The following NUP214 variants were observed in gnomAD, a reference collection of about 807,000 sequenced individuals.
NUP214 encodes the protein nuclear pore complex protein Nup214.
In NUP214, 79 loss-of-function variants were observed where a neutral mutation model predicts 196.2. The ratio of observed to expected loss-of-function variants is 0.40; its 90% CI spans 0.34 to 0.49. The LOEUF (loss-of-function observed/expected upper bound fraction) is 0.49. NUP214 is among the 20% of genes least tolerant of loss of function. The probability of loss-of-function intolerance (pLI) is 0.58; values close to 1 mark genes in which losing one functional copy is unlikely to be tolerated. For missense variants in NUP214, 2,468 were observed against 2,539.0 expected (o/e 0.97, Z 0.60); for synonymous variants, 1,020 against 990.5 (o/e 1.03, Z -0.56).
At chr9:131,214,849 T>C (rs531662724) in intron 30 of NUP214, among the ~76,000 whole-genome samples, 8 of 152,346 alleles carry the variant, frequency 5.3e-5, no homozygotes, top group African/African-American at 1.9e-4. Flanking sequence ...GTGTCCGTAA[T>C]AGCTTGTAAA....
At chr9:131,127,342 C>T (rs997137381) in intron 1 of NUP214, among the ~76,000 whole-genome samples, 182 bp from the exon 2 acceptor site, 3 of 152,134 alleles carry the variant, frequency 2.0e-5, no homozygotes, top group Admixed American at 2.0e-4. Context: ...AAGATCGCTG[C>T]ACTGCACTCC....
chr9:131,144,779 C>A lies in NUP214; in HGVS notation c.1769+25C>A, dbSNP rs909231762. On this transcript the variant is annotated intron_variant, in intron 12 of 35. Transcript: ENST00000359428. ...AGTAAGTCACTTCTAAAGTTTGATT[C>A]TTCTGTGAGTTGGGTAGAAATATTG... The A allele has an allele frequency of 5.4e-6, 8 of 1,495,264 alleles. No homozygotes were observed. In the Middle Eastern group the frequency reaches 7.0e-4, roughly 132 times the overall value. 92.6% of individuals were successfully genotyped at this position (1,495,264 alleles called of 1,614,324 possible).
Position 131,146,117 on chromosome 9 carries a change from G to A in NUP214, c.1770-12G>A, listed in dbSNP as rs746236537. 6 of 1,613,754 alleles carry A rather than the reference G, an allele frequency of 3.7e-6. No individual in the cohort carries two copies. The East Asian group carries it at 6.7e-5, about 18-fold the overall frequency. On this transcript the variant is annotated splice_polypyrimidine_tract_variant and intron_variant, in intron 12 of 35. Transcript: ENST00000359428. This position sits in a 1 kb window ranked among gnomAD's most constrained non-coding sequence, Gnocchi z 4.6. ...CAGGCTCTTCTGAGGCCTTCAGGCTGCCATTTTTCAGGTTTACTGCTGCAG... is the reference window on the plus strand; with the variant it reads ...CAGGCTCTTCTGAGGCCTTCAGGCTACCATTTTTCAGGTTTACTGCTGCAG...
intron 31 of NUP214, among the ~76,000 whole-genome samples, chr9:131,221,662 C>T (rs945060286): frequency 1.2e-4 from 18 of 152,166 alleles, no homozygotes; most frequent in African/African-American, 3.9e-4. Context: ...AGAGACTGGT[C>T]CTTCATTACC....
intron 7 of NUP214, 61 bp from the exon 8 acceptor site, chr9:131,134,837 T>C: frequency 1.0e-6 from 1 of 972,048 alleles, no homozygotes; most frequent in Non-Finnish European, 1.6e-6. Context: ...GAGATTCTTT[T>C]GCTGTGGGAT....
chr9:131,158,081 C>A (rs1564189358), intron 17 of NUP214, among the ~76,000 whole-genome samples: 1 of 151,574 alleles, frequency 6.6e-6, no homozygotes, highest in South Asian at 2.1e-4. Flanking sequence ...CCATGCCCGG[C>A]CTGATTTTTT....
At chr9:131,148,490 G>T (rs952693457) in intron 14 of NUP214, among the ~76,000 whole-genome samples, 3 of 152,230 alleles carry the variant, frequency 2.0e-5, no homozygotes, top group Admixed American at 6.5e-5. Flanking sequence ...GAGTGAGATT[G>T]CTGGGTCATA....
At chr9:131,141,519 T>C (rs1460327246) in intron 11 of NUP214, among the ~76,000 whole-genome samples, 1 of 144,058 alleles carries the variant, frequency 6.9e-6, no homozygotes, top group Non-Finnish European at 1.5e-5. Context: ...GGTCTTACTC[T>C]GTTGCCTAGG....
intron 33 of NUP214, 35 bp downstream of exon 33, chr9:131,228,366 A>T: frequency 2.6e-6 from 4 of 1,550,536 alleles, no homozygotes; most frequent in East Asian, 2.4e-5. Context: ...GGGAACCCAC[A>T]CGCCAGCCAA....
chr9:131,156,755 A>G (rs919313120), intron 17 of NUP214, among the ~76,000 whole-genome samples: 2 of 152,170 alleles, frequency 1.3e-5, no homozygotes, highest in African/African-American at 4.8e-5. Context: ...TTTTAGGTAC[A>G]TGATCATAAC....
chr9:131,188,938 G>T, intron 25 of NUP214, 115 bp from the exon 26 acceptor site: 15 of 743,508 alleles, frequency 2.0e-5, no homozygotes, highest in Middle Eastern at 2.5e-4. Context: ...TTATCTAAAA[G>T]TATTTGTCCT....
At position 131,197,901 on chromosome 9, in the gene NUP214, C is replaced by T; in HGVS notation, c.4407C>T (p.Pro1469=). Residue 1469 remains proline (P), a synonymous_variant, in exon 29 of 36, where the codon CCC becomes CCT. Transcript: ENST00000359428. ...TAATPLPTSF[P]TLSFGSLLSS... ...CCACTCCCCTTCCAACATCATTCCC[C>T]ACATTGTCATTTGGTAGCCTCCTGA... The T allele has an allele frequency of 1.9e-6, 3 of 1,614,066 alleles. No individual in the cohort carries two copies. The highest frequency in any genetic ancestry group is 2.5e-6 in the Non-Finnish European group (3 of 1,180,030).
At chr9:131,165,832 GGACATTGTGCTAAGTGTCCTCAAATA>G (rs1464517608) in intron 21 of NUP214, among the ~76,000 whole-genome samples, 1 of 152,140 alleles carries the variant, frequency 6.6e-6, no homozygotes, top group Non-Finnish European at 1.5e-5. Flanking sequence ...TGAACCTTGA[GGACATTGTGCTAAGTGTCCTCAAATA>G]GACAAATACT....
At position 131,147,519 on chromosome 9, in the gene NUP214, G is replaced by C; in HGVS notation, c.1975G>C (p.Val659Leu). Residue 659 changes from valine to leucine, a missense_variant, in exon 14 of 36, where the codon GTG (valine) becomes CTG (leucine). By Grantham distance (32) the Val-to-Leu change is conservative. This residue lies in a region of NUP214 where 1,801 missense variants were observed against 1,779.4 expected (regional missense o/e 1.01). Transcript: ENST00000359428. ...GRSAQGSSSP[V>L]PSMVQKSPRI... ...ATCTGCTCAGGGCAGTTCAAGCCCA[G>C]TGCCCTCAATGGTACAGAAATCACC... 6.2e-7 allele frequency: 1 copy of C among 1,614,112 alleles called. No individual in the cohort carries two copies. The highest frequency in any genetic ancestry group is 8.5e-7 in the Non-Finnish European group (1 of 1,179,988).
At chr9:131,157,631 A>ATTTTTGT (rs978031838) in intron 17 of NUP214, among the ~76,000 whole-genome samples, 1 of 150,944 alleles carries the variant, frequency 6.6e-6, no homozygotes, top group Non-Finnish European at 1.5e-5. Flanking sequence ...CTCCCAGCTA[A>ATTTTTGT]TTTTTGTTTT....
chr9:131,193,629 C>CTTTTTTTTTTGTTTTTTTT (rs1833679142), intron 27 of NUP214, among the ~76,000 whole-genome samples: 1 of 28,218 alleles, frequency 3.5e-5, no homozygotes, highest in African/African-American at 1.2e-4. Flanking sequence ...TCTTCCTTTT[C>CTTTTTTTTTTGTTTTTTTT]TTTTTTTTTT....
intron 24 of NUP214, among the ~76,000 whole-genome samples, chr9:131,186,548 G>A (rs1489705068): frequency 6.6e-6 from 1 of 152,194 alleles, no homozygotes; most frequent in Non-Finnish European, 1.5e-5. Context: ...TCAGAGTAGC[G>A]CTGGGCTGAC....
Position 131,125,805 on chromosome 9 carries a change from C to T in NUP214, c.45+56C>T, listed in dbSNP as rs1335723087. 1 of 1,541,082 alleles carries T rather than the reference C, an allele frequency of 6.5e-7. No homozygotes were observed. Among genetic ancestry groups the T allele is most frequent in the African/African-American group, 1.4e-5 (1 of 72,564 alleles). ...CTTTAGTCCTGGCGTTGCCTTGGAG[C>T]CCAGCTGAAAGGCGAAGCGCGGTGC... is the stretch of plus-strand genomic sequence containing the variant. On this transcript the variant is annotated intron_variant, in intron 1 of 35. Coordinates refer to ENST00000359428, the MANE Select transcript of NUP214 (RefSeq NM_005085.4). This position sits in a 1 kb window ranked among gnomAD's most constrained non-coding sequence, Gnocchi z 4.1.
chr9:131,195,386 C>T, intron 28 of NUP214, 92 bp downstream of exon 28: 1 of 983,826 alleles, frequency 1.0e-6, no homozygotes, highest in Non-Finnish European at 1.6e-6. Flanking sequence ...TGACTTGTTC[C>T]TGAATCTTAC....
Sources: allele counts gnomAD v4.1 joint callset (sites outside exome capture counted in the v4.1 genomes callset), GRCh38; gene constraint gnomAD v4.1.1; regional missense constraint gnomAD v4.1.1; non-coding constraint Gnocchi (gnomAD v3.1); transcripts MANE v1.5; gene names NCBI Gene and HGNC (gene_info 2026-07-23, HGNC 2026-07-21).